The following GLTP variants were observed in gnomAD, a reference collection of about 807,000 sequenced individuals.
The protein encoded by GLTP is glycolipid transfer protein.
Under a neutral mutation model 24.0 loss-of-function variants are expected in GLTP, and 22 were observed. That is an observed-to-expected ratio of 0.92 (90% confidence interval 0.65 to 1.31). The LOEUF (loss-of-function observed/expected upper bound fraction) is 1.31. Ranked by LOEUF, GLTP falls within the 50% of genes most tolerant of loss-of-function variation. The pLI is 0.00. For synonymous variants in GLTP, 92 were observed against 115.9 expected (o/e 0.79, Z 1.33); for missense variants, 224 against 276.6 (o/e 0.81, Z 1.35).
chr12:109,858,290 G>C (rs4766488), intron 2 of GLTP: 282,845 of 453,922 alleles, frequency 0.62, 90,718 homozygotes, highest in African/African-American at 0.77. Context: ...CTGGGCCCTA[G>C]GTGGATTCTC....
chr12:109,858,606 C>G lies in GLTP; in HGVS notation c.162+77G>C, dbSNP rs922070535. The G allele has an allele frequency of 2.7e-5, 28 of 1,036,962 alleles. 1 individual carries two copies. The African/African-American group carries it at 4.2e-4, about 16-fold the overall frequency. 64.2% of individuals were successfully genotyped at this position (1,036,962 alleles called of 1,614,324 possible). Reference sequence around the variant, plus strand: ...TGGGGTGGGAAGCTTGCAGCTGGGACCATGATGCTGGTAACCCAGGTGGGC... The same window carrying G: ...TGGGGTGGGAAGCTTGCAGCTGGGAGCATGATGCTGGTAACCCAGGTGGGC... On this transcript the variant is annotated intron_variant, in intron 2 of 4. Transcript: ENST00000318348.
chr12:109,868,247 G>A (rs1466944334), intron 1 of GLTP, among the ~76,000 whole-genome samples: 2 of 151,998 alleles, frequency 1.3e-5, no homozygotes, highest in Admixed American at 1.3e-4. Flanking sequence ...CTAGCCACAA[G>A]TGATCCTCCC....
chr12:109,879,096 C>T (rs1868976574), intron 1 of GLTP, among the ~76,000 whole-genome samples: 1 of 152,174 alleles, frequency 6.6e-6, no homozygotes, highest in African/African-American at 2.4e-5. Flanking sequence ...AGGAGGGGAA[C>T]TATAGCCTCC....
chr12:109,869,227 G>A (rs1258822960), intron 1 of GLTP, among the ~76,000 whole-genome samples: 1 of 147,390 alleles, frequency 6.8e-6, no homozygotes, highest in Non-Finnish European at 1.5e-5. Context: ...TTGAACCCAG[G>A]ATGGGGAGGT....
intron 1 of GLTP, among the ~76,000 whole-genome samples, chr12:109,869,515 G>T (rs1439390936): frequency 2.4e-4 from 36 of 147,616 alleles, no homozygotes; most frequent in African/African-American, 8.2e-4. Context: ...GAGTGCAGTG[G>T]CCTGATCTCG....
At position 109,852,449 on chromosome 12, in the gene GLTP, G is replaced by C; in HGVS notation, c.*106C>G. ...TCTGGCAGGACCCTGGGCTGCTCTGGGGGACACAGGCCAGGGGCAGTTCAC... is the reference window on the plus strand; with the variant it reads ...TCTGGCAGGACCCTGGGCTGCTCTGCGGGACACAGGCCAGGGGCAGTTCAC... On this transcript the variant is annotated 3_prime_UTR_variant, in exon 5 of 5. Transcript: ENST00000318348. 4.0e-6 allele frequency: 3 copies of C among 741,738 alleles called. No individual in the cohort carries two copies. The highest frequency in any genetic ancestry group is 4.0e-5 in the Admixed American group (2 of 50,070). The allele number at this position is 741,738 out of a possible 1,614,324, so 45.9% of individuals were successfully genotyped here.
intron 3 of GLTP, among the ~76,000 whole-genome samples, chr12:109,856,386 T>C (rs1483942534): frequency 1.3e-5 from 2 of 151,980 alleles, no homozygotes; most frequent in Non-Finnish European, 2.9e-5. Context: ...ACATCGAAAA[T>C]CTCACCAGGG....
chr12:109,875,917 A>T (rs4766490), intron 1 of GLTP, among the ~76,000 whole-genome samples: 12,762 of 152,324 alleles, frequency 0.084, 711 homozygotes, highest in Admixed American at 0.12. Context: ...AAAAATGAGA[A>T]ATAACCAAAG....
At chr12:109,873,564 G>A (rs954277988) in intron 1 of GLTP, among the ~76,000 whole-genome samples, 2 of 149,642 alleles carry the variant, frequency 1.3e-5, no homozygotes, top group African/African-American at 2.5e-5. Flanking sequence ...AACCCAGGAC[G>A]CAGAGGTTGC....
intron 1 of GLTP, among the ~76,000 whole-genome samples, chr12:109,869,818 G>A (rs368566671): frequency 5.9e-5 from 9 of 151,674 alleles, no homozygotes; most frequent in African/African-American, 1.9e-4. Context: ...TGCCCAGGCT[G>A]GAGTGCAGTG....
At chr12:109,860,242 T>C (rs907069547) in intron 1 of GLTP, 17 of 189,242 alleles carry the variant, frequency 9.0e-5, no homozygotes, top group African/African-American at 3.7e-4. Flanking sequence ...CCTCCCAAAG[T>C]GCTGGGATTA....
intron 1 of GLTP, among the ~76,000 whole-genome samples, chr12:109,876,109 G>A (rs1868871354): frequency 6.6e-6 from 1 of 152,206 alleles, no homozygotes; most frequent in African/African-American, 2.4e-5. Context: ...TTGGGAGGCT[G>A]AGGCGGACAG....
At chr12:109,876,875 C>T (rs973680530) in intron 1 of GLTP, among the ~76,000 whole-genome samples, 3 of 152,062 alleles carry the variant, frequency 2.0e-5, no homozygotes, top group Admixed American at 2.0e-4. Context: ...TTTTTTGAGA[C>T]AGGATCTTGC....
At chr12:109,862,403 A>G (rs962979652) in intron 1 of GLTP, among the ~76,000 whole-genome samples, 8 of 152,128 alleles carry the variant, frequency 5.3e-5, no homozygotes, top group African/African-American at 1.4e-4. Context: ...CAACTTACAT[A>G]ATAACGCCGG....
At chr12:109,878,886 C>G (rs1236255875) in intron 1 of GLTP, among the ~76,000 whole-genome samples, 2 of 152,178 alleles carry the variant, frequency 1.3e-5, no homozygotes, top group Non-Finnish European at 2.9e-5. Flanking sequence ...CAATTGCACT[C>G]CCTCAAACAC....
At chr12:109,858,818 A>G in intron 1 of GLTP, 77 bp from the exon 2 acceptor site, 2 of 945,012 alleles carry the variant, frequency 2.1e-6, no homozygotes, top group South Asian at 1.3e-5. Flanking sequence ...CCATGGGGAC[A>G]TGGAAGGGTG....
At chr12:109,862,307 T>C (rs1868388380) in intron 1 of GLTP, among the ~76,000 whole-genome samples, 1 of 151,916 alleles carries the variant, frequency 6.6e-6, no homozygotes, top group African/African-American at 2.4e-5. Context: ...GAGGCCAGCC[T>C]GGGGAGGTCA....
At chr12:109,866,492 T>G (rs553780787) in intron 1 of GLTP, 2 of 152,262 alleles carry the variant, frequency 1.3e-5, no homozygotes, top group Non-Finnish European at 2.9e-5. Context: ...ACTACAGGTG[T>G]GCACCACTGT....
Position 109,857,188 on chromosome 12 carries a change from G to A in GLTP, c.296+338C>T, listed in dbSNP as rs1238247302. The stretch of plus-strand genomic sequence containing the variant: ...TAACTGTGCTGGATGACATGGGCAC[G>A]TGATTTGGCCTCCAGAAGCGCCAGC... On this transcript the variant is annotated intron_variant, in intron 3 of 4. Transcript: ENST00000318348. This position sits in a 1 kb window ranked among gnomAD's most constrained non-coding sequence, Gnocchi z 4.3. Among the ~76,000 whole-genome samples the A allele has an allele frequency of 6.6e-6, 1 of 152,200 alleles. No individual in the cohort carries two copies. Among genetic ancestry groups the A allele is most frequent in the African/African-American group, 2.4e-5 (1 of 41,448 alleles).
Sources: allele counts gnomAD v4.1 joint callset (sites outside exome capture counted in the v4.1 genomes callset), GRCh38; gene constraint gnomAD v4.1.1; non-coding constraint Gnocchi (gnomAD v3.1); transcripts MANE v1.5; gene names NCBI Gene and HGNC (gene_info 2026-07-23, HGNC 2026-07-21).